UPF3B: variants seen among roughly 807,000 people sequenced by gnomAD.
UPF3B encodes UPF3B regulator of nonsense mediated mRNA decay.
A neutral mutation model predicts 40.3 loss-of-function variants in UPF3B; 7 were observed. The observed-to-expected ratio is 0.17, with a 90% CI of 0.10 to 0.33. The LOEUF (loss-of-function observed/expected upper bound fraction) is 0.33, where lower values mean the gene tolerates loss of function less well. Ranked by LOEUF, UPF3B falls within the 10% of genes least tolerant of loss-of-function variation. The probability of loss-of-function intolerance (pLI) is 1.00; values close to 1 mark genes in which losing one functional copy is unlikely to be tolerated. For missense variants in UPF3B, 229 were observed against 358.9 expected, an observed-to-expected ratio of 0.64 and a Z score of 2.93; for synonymous variants, 117 against 117.3, an observed-to-expected ratio of 1.00 and a Z score of 0.01.
At chrX:119,849,632 A>C (rs1431392089) in intron 3 of UPF3B, among the ~76,000 whole-genome samples, 2 of 111,929 alleles carry the variant, frequency 1.8e-5, no homozygotes, top group Non-Finnish European at 3.8e-5. Context: ...AGGCTGAAGA[A>C]ACAGAAGTGA....
chrX:119,850,302 C>T (rs2056287678), intron 3 of UPF3B, among the ~76,000 whole-genome samples: 1 of 111,121 alleles, frequency 9.0e-6, no homozygotes, highest in Admixed American at 9.6e-5. Flanking sequence ...AAAAGATAAA[C>T]AATAAATTGA....
At chrX:119,820,585 G>A (rs1036963945) in intron 4 of UPF3B, among the ~76,000 whole-genome samples, 3 of 107,546 alleles carry the variant, frequency 2.8e-5, no homozygotes, top group Middle Eastern at 5.0e-3. Context: ...TGAGCCTCCC[G>A]AGGAGTTTGG....
chrX:119,814,808 G>A (rs1158921146), intron 5 of UPF3B, among the ~76,000 whole-genome samples: 3 of 107,684 alleles, frequency 2.8e-5, no homozygotes, highest in African/African-American at 1.0e-4. Flanking sequence ...TTCCTGCTTT[G>A]AGGCAAAACT....
intron 5 of UPF3B, among the ~76,000 whole-genome samples, chrX:119,808,075 T>A (rs2055806135): frequency 8.9e-6 from 1 of 112,179 alleles, no homozygotes; most frequent in Non-Finnish European, 1.9e-5. Context: ...AGACGGGGTT[T>A]CGCCATGTAG....
chrX:119,828,484 C>T (rs1164430706), intron 3 of UPF3B, among the ~76,000 whole-genome samples: 2 of 110,947 alleles, frequency 1.8e-5, no homozygotes, highest in African/African-American at 6.5e-5. Flanking sequence ...CCAGCCTGGG[C>T]AACATGGGAA....
At chrX:119,824,623 G>C (rs1207027215) in intron 3 of UPF3B, among the ~76,000 whole-genome samples, 2 of 111,256 alleles carry the variant, frequency 1.8e-5, no homozygotes, top group African/African-American at 6.5e-5. Flanking sequence ...ACCTGCCTTT[G>C]CAAGAAGCCT....
At chrX:119,849,653 T>TGGAGGACCCTGACTACCA (rs2056277294) in intron 3 of UPF3B, among the ~76,000 whole-genome samples, 1 of 111,507 alleles carries the variant, frequency 9.0e-6, no homozygotes, top group Non-Finnish European at 1.9e-5. Context: ...GGCCAGAATA[T>TGGAGGACCCTGACTACCA]GGAGGACCCT....
chrX:119,809,881 G>A (rs146656760), intron 5 of UPF3B, among the ~76,000 whole-genome samples: 1,164 of 111,668 alleles, frequency 0.01, 14 homozygotes, highest in South Asian at 0.056. Context: ...AACAACAAAC[G>A]TCAAATTTAG....
At chrX:119,841,885 C>T (rs2056164892) in intron 5 of UPF3B, 107 bp from the exon 6 acceptor site, 5 of 577,828 alleles carry the variant, frequency 8.7e-6, no homozygotes, top group Non-Finnish European at 1.5e-5. Flanking sequence ...CATGTACACC[C>T]CTTATGCAGA....
Position 119,838,484 on chromosome X carries a change from T to C in UPF3B, c.890A>G (p.Lys297Arg), listed in dbSNP as rs866610243. ...GTCCAATTTCTTGGCTTTTTCTCTT[T>C]TGTCCAATTCTTTTTCATCTCCTTT... Reference protein sequence around the residue: ...PEKGDEKELDKREKAKKLDKE... With the variant: ...PEKGDEKELDRREKAKKLDKE... Residue 297 changes from lysine (K) to arginine (R), a missense_variant, in exon 9 of 11, where the codon AAA becomes AGA. Transcript: ENST00000276201. The C allele has an allele frequency of 8.3e-7, 1 of 1,210,203 alleles. No individual in the cohort carries two copies. Among genetic ancestry groups the C allele is most frequent in the East Asian group, 3.0e-5 (1 of 33,818 alleles).
intron 4 of UPF3B, 103 bp from the exon 5 acceptor site, chrX:119,843,404 C>T (rs183214686): frequency 1.8e-5 from 11 of 610,200 alleles, no homozygotes; most frequent in African/African-American, 6.8e-5. Flanking sequence ...TTTTTTACTT[C>T]GTGGAAGATT....
In UPF3B at chrX:119,807,478, C is replaced by T. The variant is rs778899116; in HGVS notation, c.*8G>A. 9.0e-6 allele frequency: 8 copies of T among 889,511 alleles called. No individual in the cohort carries two copies. The East Asian group carries it at 3.1e-4, about 35-fold the overall frequency. 73.3% of individuals were successfully genotyped at this position (889,511 alleles called of 1,213,427 possible). A position where few individuals can be genotyped will look rare whatever the true frequency, so the allele number is the denominator to read the frequency against. ...TTCTATGGTTAATATCACTTTCCTG[C>T]TTTCTTTCTACTGCTGAATCTCCAG... is the stretch of plus-strand genomic sequence containing the variant. On this transcript the variant is annotated 3_prime_UTR_variant, in exon 6 of 7. Transcript: ENST00000636792.
In UPF3B at chrX:119,834,317, T is replaced by C; in HGVS notation, c.*561A>G. Reference sequence around the variant, plus strand: ...AACTAATCCTAAAACTTTAGGACACTGGATACAGAAGTAACATAACTATTT... The same window carrying C: ...AACTAATCCTAAAACTTTAGGACACCGGATACAGAAGTAACATAACTATTT... On this transcript the variant is annotated 3_prime_UTR_variant, in exon 11 of 11. Transcript: ENST00000276201. 1 of 756,247 alleles carries C rather than the reference T, an allele frequency of 1.3e-6. No homozygotes were observed. The highest frequency in any genetic ancestry group is 1.6e-6 in the Non-Finnish European group (1 of 640,138). 62.3% of individuals were successfully genotyped at this position (756,247 alleles called of 1,213,427 possible).
intron 1 of UPF3B, 132 bp from the exon 2 acceptor site, chrX:119,852,005 C>A (rs191672763): frequency 8.1e-6 from 4 of 491,365 alleles, no homozygotes; most frequent in Admixed American, 6.8e-5. Context: ...AGAAAATATT[C>A]TTCTGCAGCC....
Position 119,852,914 on chromosome X carries a change from C to T in UPF3B, c.15G>A (p.Lys5=), listed in dbSNP as rs1377430298. 2.6e-5 allele frequency: 31 copies of T among 1,211,176 alleles called. No homozygotes were observed. The highest frequency in any genetic ancestry group is 3.2e-5 in the Non-Finnish European group (29 of 895,446). ...CTCGCTTCTCCTTAGGCCTGTGCTC[C>T]TTCTCTTCCTTCATGGCTACGTCCC... MKEE[K]EHRPKEKRVT... is the part of the protein sequence containing the mutation. The change falls in exon 1 of 11, where the codon AAG becomes AAA. Residue 5 remains lysine (K), a synonymous_variant. Coordinates refer to ENST00000276201, the MANE Select transcript of UPF3B (RefSeq NM_080632.3).
At chrX:119,842,473 C>T (rs1377785575) in intron 5 of UPF3B, among the ~76,000 whole-genome samples, 1 of 109,264 alleles carries the variant, frequency 9.2e-6, no homozygotes, top group Non-Finnish European at 1.9e-5. Context: ...CTTCCAGCTA[C>T]TCGGGAGACT....
chrX:119,812,826 C>A (rs112134512), intron 5 of UPF3B, among the ~76,000 whole-genome samples: 4,494 of 111,122 alleles, frequency 0.04, 189 homozygotes, highest in African/African-American at 0.14. Flanking sequence ...ATTCACCCCT[C>A]ACTGTAACAT....
downstream of UPF3B, among the ~76,000 whole-genome samples, chrX:119,833,228 C>T (rs2056055104): frequency 8.9e-6 from 1 of 112,678 alleles, no homozygotes; most frequent in South Asian, 3.6e-4. Flanking sequence ...TGTCTCCATA[C>T]TACCTTTATT....
intron 5 of UPF3B, among the ~76,000 whole-genome samples, chrX:119,813,800 G>A (rs1569458498): frequency 9.0e-6 from 1 of 110,519 alleles, no homozygotes; most frequent in Non-Finnish European, 1.9e-5. Context: ...CTGACATCAA[G>A]TGGTCATCCC....
Sources: allele counts gnomAD v4.1 joint callset (sites outside exome capture counted in the v4.1 genomes callset), GRCh38; gene constraint gnomAD v4.1.1; transcripts MANE v1.5; gene names NCBI Gene and HGNC (gene_info 2026-07-23, HGNC 2026-07-21).